Variants in VILL observed in about 807,000 individuals in gnomAD.
VILL encodes villin like.
Under a neutral mutation model 106.3 loss-of-function variants are expected in VILL, and 102 were observed. That is an observed-to-expected ratio of 0.96 (90% CI 0.82 to 1.13). The LOEUF (loss-of-function observed/expected upper bound fraction) is 1.13, where lower values mean the gene tolerates loss of function less well. Ranked by LOEUF, VILL falls within the 50% of genes most tolerant of loss-of-function variation. VILL has a pLI of 0.00. For synonymous variants in VILL, 431 were observed against 440.3 expected (o/e 0.98, Z 0.27); for missense variants, 1,076 against 1,116.6 (o/e 0.96, Z 0.52).
In VILL at chr3:38,001,867, C is replaced by A; in HGVS notation, c.1479+7C>A. ...CCAGCTGGTGATCTTCCAGGTAGGT[C>A]TCACCTTGCCACTCTGGCCACAGCC... On this transcript the variant is annotated splice_region_variant and intron_variant, in intron 13 of 19. Transcript: ENST00000383759. The A allele has an allele frequency of 1.9e-6, 3 of 1,614,194 alleles. No homozygotes were observed. The highest frequency in any genetic ancestry group is 2.2e-5 in the South Asian group (2 of 91,088).
At position 38,000,859 on chromosome 3, in the gene VILL, C is replaced by T. The variant is rs372896371; in HGVS notation, c.1183-597C>T. The T allele has an allele frequency of 6.6e-5, 30 of 456,670 alleles. 1 individual carries two copies. In the East Asian group the frequency reaches 7.6e-4, roughly 12 times the overall value. The allele number at this position is 456,670 out of a possible 1,614,324, so 28.3% of individuals were successfully genotyped here. A position where few individuals can be genotyped will look rare whatever the true frequency, so the allele number is the denominator to read the frequency against. ...TGCAGAGGTGAGGTAAGGGAGGCGT[C>T]ATCATCCCCAATATACAGGTGGGAA... On this transcript the variant is annotated intron_variant, in intron 11 of 19. Coordinates refer to ENST00000383759, the MANE Select transcript of VILL (RefSeq NM_015873.4).
chr3:37,989,324 G>A (rs1699583626), upstream of VILL, among the ~76,000 whole-genome samples: 1 of 152,208 alleles, frequency 6.6e-6, no homozygotes, highest in African/African-American at 2.4e-5. Flanking sequence ...TTAGGCCGGG[G>A]CAAGGTTCGG....
intron 13 of VILL, 126 bp downstream of exon 13, chr3:38,001,986 A>T: frequency 2.7e-6 from 4 of 1,463,956 alleles, no homozygotes; most frequent in Non-Finnish European, 3.7e-6. Flanking sequence ...AGTTTCCCAG[A>T]GCTTGTCCAA....
At chr3:38,006,285 T>C (rs1166642861) in intron 18 of VILL, 33 bp downstream of exon 18, 1 of 1,613,800 alleles carries the variant, frequency 6.2e-7, no homozygotes, top group Non-Finnish European at 8.5e-7. Flanking sequence ...TTCCCCACAG[T>C]GGCCTGGGCT....
intron 11 of VILL, among the ~76,000 whole-genome samples, chr3:38,000,223 G>C (rs958012194): frequency 6.6e-6 from 1 of 152,224 alleles, no homozygotes; most frequent in Non-Finnish European, 1.5e-5. Context: ...CAGAGAAAAG[G>C]CAAGATTTCC....
At position 38,001,809 on chromosome 3, in the gene VILL, C is replaced by T. The variant is rs769280415; in HGVS notation, c.1428C>T (p.Ser476=). 1.5e-5 allele frequency: 24 copies of T among 1,614,062 alleles called. No individual in the cohort carries two copies. The Admixed American group carries it at 2.7e-4, about 18-fold the overall frequency. ...TACAGGAGCATGTGACCATGGGCAG[C>T]GAGCCCCCCCACTTCCTCGCCATCT... is the stretch of plus-strand genomic sequence containing the variant. ...VLVQEHVTMG[S]EPPHFLAIFQ... is the part of the protein sequence containing the mutation. Residue 476 remains serine (S), a synonymous_variant, in exon 13 of 20, where the codon AGC becomes AGT. Transcript: ENST00000383759.
chr3:37,994,616 T>C lies in VILL; in HGVS notation c.341+150T>C. 3 of 816,048 alleles carry C rather than the reference T, an allele frequency of 3.7e-6. 1 individual carries two copies. The highest frequency in any genetic ancestry group is 3.6e-5 in the South Asian group (2 of 55,658). 50.6% of individuals were successfully genotyped at this position (816,048 alleles called of 1,614,324 possible). A position where few individuals can be genotyped will look rare whatever the true frequency, so the allele number is the denominator to read the frequency against. On this transcript the variant is annotated intron_variant, in intron 4 of 19. Coordinates refer to ENST00000383759, the MANE Select transcript of VILL (RefSeq NM_015873.4). ...TTATTGAGATACAACTCATACGCCA[T>C]ACGATTCACCCATTTAAAGTACATA...
chr3:37,997,730 A>G lies in VILL; in HGVS notation c.764+45A>G, dbSNP rs1699731662. 6.4e-7 allele frequency: 1 copy of G among 1,569,328 alleles called. No individual in the cohort carries two copies. Among genetic ancestry groups the G allele is most frequent in the Non-Finnish European group, 8.6e-7 (1 of 1,156,388 alleles). ...GCAGGGGTGGGTGGGACAGTCCAGGACTCTGTGTCCATCACTACTGCAATA... is the reference window on the plus strand; with the variant it reads ...GCAGGGGTGGGTGGGACAGTCCAGGGCTCTGTGTCCATCACTACTGCAATA... On this transcript the variant is annotated intron_variant, in intron 7 of 19. Transcript: ENST00000383759. This position sits in a 1 kb window ranked among gnomAD's most constrained non-coding sequence, Gnocchi z 4.7.
chr3:37,998,353 A>T lies in VILL; in HGVS notation c.931A>T (p.Ser311Cys), dbSNP rs1699745576. The T allele has an allele frequency of 1.2e-6, 2 of 1,614,032 alleles. No individual in the cohort carries two copies. The highest frequency in any genetic ancestry group is 1.7e-6 in the Non-Finnish European group (2 of 1,179,996). The change falls in exon 9 of 20, where the codon AGC (serine) becomes TGC (cysteine). Residue 311 changes from serine to cysteine, a missense_variant. Transcript: ENST00000383759. The surrounding 1 kb of genome is among the most constrained non-coding windows in gnomAD (Gnocchi z 4.1). ...SSLQERKAAF[S>C]RAVGFIQAKG... ...CCTCCAGGAGAGAAAGGCTGCCTTC[A>T]GCCGGGCTGTGGTGAGCCCTGGGGC...
At chr3:38,001,993 C>G in intron 13 of VILL, 133 bp downstream of exon 13, 1 of 1,441,022 alleles carries the variant, frequency 6.9e-7, no homozygotes, top group East Asian at 2.5e-5. Context: ...CAGAGCTTGT[C>G]CAAGGCCCAG....
At chr3:37,995,088 C>T (rs1452221043) in intron 4 of VILL, among the ~76,000 whole-genome samples, 2 of 152,176 alleles carry the variant, frequency 1.3e-5, no homozygotes, top group Non-Finnish European at 2.9e-5. Context: ...CAAATGTTTT[C>T]ATTTCCCTTG....
At position 38,002,550 on chromosome 3, in the gene VILL, G is replaced by A. The variant is rs1182359526; in HGVS notation, c.1634G>A (p.Ser545Asn). The A allele has an allele frequency of 1.9e-6, 3 of 1,613,842 alleles. No individual in the cohort carries two copies. The highest frequency in any genetic ancestry group is 2.7e-5 in the African/African-American group (2 of 74,932). ...SSDIFLLVTASVCYLWFGKGC... is the reference protein window; with the variant it reads ...SSDIFLLVTANVCYLWFGKGC... ...GACATCTTCTTGCTGGTCACAGCCA[G>A]CGTCTGCTACCTCTGGTTTGGGAAG... The change falls in exon 14 of 20, where the codon AGC becomes AAC. Residue 545 changes from serine to asparagine, a missense_variant. Coordinates refer to ENST00000383759, the MANE Select transcript of VILL (RefSeq NM_015873.4).
intron 19 of VILL, 64 bp downstream of exon 19, chr3:38,006,764 A>T: frequency 6.4e-7 from 1 of 1,551,288 alleles, no homozygotes; most frequent in South Asian, 1.2e-5. Context: ...AGCCCAAGGC[A>T]GGATCCACTG....
chr3:38,000,771 G>A (rs148735269), intron 11 of VILL: 91 of 413,828 alleles, frequency 2.2e-4, no homozygotes, highest in African/African-American at 1.6e-3. Context: ...CTGGAGGTCG[G>A]CTCCCCAGGG....
At chr3:38,002,238 A>G (rs1237906775) in intron 13 of VILL, 158 bp from the exon 14 acceptor site, 2 of 686,720 alleles carry the variant, frequency 2.9e-6, no homozygotes, top group African/African-American at 3.6e-5. Context: ...CCTGCACTCC[A>G]CACTTAGAGG....
At chr3:38,001,401 G>T in intron 11 of VILL, 55 bp from the exon 12 acceptor site, 2 of 1,600,880 alleles carry the variant, frequency 1.2e-6, no homozygotes, top group Non-Finnish European at 1.7e-6. Context: ...TACAGGATGG[G>T]TGGGCTGGTT....
rs754992748 is a variant in VILL at position 38,001,542 on chromosome 3, C to T, written c.1269C>T (p.Leu423=). The T allele has an allele frequency of 1.2e-6, 2 of 1,614,248 alleles. No homozygotes were observed. The highest frequency in any genetic ancestry group is 8.5e-7 in the Non-Finnish European group (1 of 1,180,038). The change falls in exon 12 of 20, where the codon CTC becomes CTT. Residue 423 remains leucine (L), a synonymous_variant. Coordinates refer to ENST00000383759, the MANE Select transcript of VILL (RefSeq NM_015873.4). ...GTGCAGGCAACTGCTACCTTGTGCT[C>T]TACACATACCAGAGGCTGGGCCGTG... ...QLCAGNCYLV[L]YTYQRLGRVQ...
At position 37,997,665 on chromosome 3, in the gene VILL, G is replaced by A. The variant is rs1408088931; in HGVS notation, c.744G>A (p.Lys248=). 2 of 1,604,258 alleles carry A rather than the reference G, an allele frequency of 1.2e-6. No individual in the cohort carries two copies. The highest frequency in any genetic ancestry group is 3.3e-5 in the Admixed American group (2 of 59,892). Residue 248 remains lysine, a synonymous_variant, in exon 7 of 20, where the codon AAG becomes AAA. Coordinates refer to ENST00000383759, the MANE Select transcript of VILL (RefSeq NM_015873.4). This position sits in a 1 kb window ranked among gnomAD's most constrained non-coding sequence, Gnocchi z 4.7. ...TPSKDINQLQ[K]ANVRLYHVYE... ...GCAAGGATATCAACCAGCTGCAGAA[G>A]GCCAATGTTCGCCTGTACCAGTGAG...
chr3:38,003,273 G>C lies in VILL; in HGVS notation c.1765G>C (p.Glu589Gln), dbSNP rs1699853574. The change falls in exon 15 of 20, where the codon GAG becomes CAG. Residue 589 changes from glutamate (E) to glutamine (Q), a missense_variant. Transcript: ENST00000383759. Reference protein sequence around the residue: ...LEGQEPPHFWEALGGRAPYPS... With the variant: ...LEGQEPPHFWQALGGRAPYPS... ...GGGTCAGGAGCCTCCCCACTTCTGG[G>C]AGGCCCTGGGAGGCCGGGCCCCCTA... 1 of 1,612,938 alleles carries C rather than the reference G, an allele frequency of 6.2e-7. No homozygotes were observed. The highest frequency in any genetic ancestry group is 1.7e-5 in the Admixed American group (1 of 59,862).
Sources: allele counts gnomAD v4.1 joint callset (sites outside exome capture counted in the v4.1 genomes callset), GRCh38; gene constraint gnomAD v4.1.1; non-coding constraint Gnocchi (gnomAD v3.1); transcripts MANE v1.5; gene names NCBI Gene and HGNC (gene_info 2026-07-23, HGNC 2026-07-21).